B3GAT2: variants seen among roughly 807,000 people sequenced by gnomAD.
B3GAT2 encodes the protein beta-1,3-glucuronyltransferase 2, also known as galactosylgalactosylxylosylprotein 3-beta-glucuronosyltransferase 2.
Under a neutral mutation model 27.8 loss-of-function variants are expected in B3GAT2, and 26 were observed. The observed-to-expected ratio is 0.93, with a 90% CI of 0.68 to 1.30. The LOEUF (loss-of-function observed/expected upper bound fraction) is 1.30. B3GAT2 is among the 50% of genes most tolerant of loss of function. B3GAT2 has a pLI of 0.00. For missense variants in B3GAT2, 458 were observed against 459.0 expected, an observed-to-expected ratio of 1.00 and a Z score of 0.02; for synonymous variants, 218 against 195.1, an observed-to-expected ratio of 1.12 and a Z score of -0.98.
rs370556358 is a variant in B3GAT2, at chr6:70,882,306, A to C, written c.736+11822T>G. 5.8e-3 allele frequency among the ~76,000 whole-genome samples: 888 copies of C among 152,082 alleles called. 6 individuals are homozygous for C. The highest frequency in any genetic ancestry group is 0.02 in the Middle Eastern group (6 of 294). On this transcript the variant is annotated intron_variant, in intron 2 of 3. Coordinates refer to ENST00000230053, the MANE Select transcript of B3GAT2 (RefSeq NM_080742.3). ...CACGAGGTCAGGAGATCCAGACCAT[A>C]CTGGCTAACATGGTGAAACCCCGTC...
intron 1 of B3GAT2, among the ~76,000 whole-genome samples, chr6:70,951,219 T>C (rs1024720981): frequency 1.3e-5 from 2 of 152,172 alleles, no homozygotes; most frequent in East Asian, 3.8e-4. Context: ...ACAAAAAACC[T>C]ACCACTACTT....
chr6:70,944,527 C>T (rs930001182), intron 1 of B3GAT2, among the ~76,000 whole-genome samples: 2 of 152,162 alleles, frequency 1.3e-5, no homozygotes, highest in African/African-American at 2.4e-5. Context: ...GAGGGGTGCC[C>T]GCAATTGCCC....
intron 1 of B3GAT2, among the ~76,000 whole-genome samples, chr6:70,898,781 T>C (rs1275686279): frequency 1.3e-5 from 2 of 152,140 alleles, no homozygotes; most frequent in African/African-American, 4.8e-5. Context: ...AGTGTTTAAA[T>C]ACTAATTAGT....
intron 2 of B3GAT2, among the ~76,000 whole-genome samples, chr6:70,868,645 G>A (rs188626545): frequency 2.0e-5 from 3 of 152,298 alleles, no homozygotes; most frequent in Non-Finnish European, 4.4e-5. Flanking sequence ...CTGGGTAGTT[G>A]TCCTAGAGTA....
chr6:70,928,437 C>T (rs1268375676), intron 1 of B3GAT2, among the ~76,000 whole-genome samples: 2 of 151,424 alleles, frequency 1.3e-5, no homozygotes, highest in East Asian at 3.9e-4. Flanking sequence ...TGATAGACCA[C>T]TAGCAGACTA....
At chr6:70,928,345 T>A (rs764800797) in intron 1 of B3GAT2, among the ~76,000 whole-genome samples, 3 of 150,702 alleles carry the variant, frequency 2.0e-5, no homozygotes, top group African/African-American at 4.9e-5. Flanking sequence ...AGACCAGAAC[T>A]GAAGGCGACA....
chr6:70,908,383 T>C (rs1403751731), intron 1 of B3GAT2, among the ~76,000 whole-genome samples: 1 of 152,186 alleles, frequency 6.6e-6, no homozygotes, highest in Non-Finnish European at 1.5e-5. Flanking sequence ...GTTTAATTTT[T>C]CCACCCATTA....
chr6:70,936,747 C>G (rs992868489), intron 1 of B3GAT2, among the ~76,000 whole-genome samples: 3 of 151,926 alleles, frequency 2.0e-5, no homozygotes, highest in East Asian at 3.9e-4. Context: ...GGGATACATT[C>G]AAAGCAGTGT....
rs200678168 is a variant in B3GAT2 at position 70,956,279 on chromosome 6, G to A, written c.151C>T (p.Arg51Ter). 4 of 1,606,638 alleles carry A rather than the reference G, an allele frequency of 2.5e-6. No individual in the cohort carries two copies. Among genetic ancestry groups the A allele is most frequent in the Non-Finnish European group, 2.6e-6 (3 of 1,176,238 alleles). The change falls in exon 1 of 4, where the codon CGA becomes TGA. Residue 51 changes from arginine (R) to a stop codon, truncating the protein, a stop_gained. Transcript: ENST00000230053. LOFTEE classifies it high-confidence loss of function. ...SPYAVGRGGARLPLRRGGPAH... is the reference protein window; with the variant it reads ...SPYAVGRGGA ...GGGCCGCCCCTGCGGAGCGGGAGTC[G>A]GGCGCCCCCGCGGCCCACCGCGTAG...
chr6:70,940,210 A>G (rs1483043875), intron 1 of B3GAT2, among the ~76,000 whole-genome samples: 1 of 152,118 alleles, frequency 6.6e-6, no homozygotes, highest in Non-Finnish European at 1.5e-5. Context: ...CATTTTCCTC[A>G]TTCTGGACTA....
At chr6:70,937,948 A>G in intron 1 of B3GAT2, among the ~76,000 whole-genome samples, 1 of 151,624 alleles carries the variant, frequency 6.6e-6, no homozygotes, top group East Asian at 1.9e-4. Context: ...AATTAGGAAA[A>G]GAGGGAGTCA....
In B3GAT2 at chr6:70,861,122, GTA is replaced by G. The variant is rs1771705420; in HGVS notation, c.*539_*540del. 1 of 169,114 alleles carries G rather than the reference GTA, an allele frequency of 5.9e-6. No individual in the cohort carries two copies. The highest frequency in any genetic ancestry group is 2.4e-5 in the African/African-American group (1 of 42,220). 10.5% of individuals were successfully genotyped at this position (169,114 alleles called of 1,614,324 possible). The stretch of plus-strand genomic sequence containing the variant: ...TTGTGTTTACATTTTATGGTGCCTA[GTA>G]TTGACAAAATGTTATTTCCCTACAT... On this transcript the variant is annotated 3_prime_UTR_variant, in exon 4 of 4. Coordinates refer to ENST00000230053, the MANE Select transcript of B3GAT2 (RefSeq NM_080742.3).
At chr6:70,946,460 A>G (rs1342984065) in intron 1 of B3GAT2, among the ~76,000 whole-genome samples, 1 of 152,040 alleles carries the variant, frequency 6.6e-6, no homozygotes, top group East Asian at 1.9e-4. Flanking sequence ...ACTTTAAACC[A>G]ACAAAGATCA....
chr6:70,894,414 T>C, intron 1 of B3GAT2, 142 bp from the exon 2 acceptor site: 1 of 894,842 alleles, frequency 1.1e-6, no homozygotes, highest in Non-Finnish European at 1.6e-6. Context: ...ATCCTTCTGC[T>C]GCTAGAGTAT....
intron 2 of B3GAT2, among the ~76,000 whole-genome samples, chr6:70,872,354 A>G (rs1055914288): frequency 6.6e-6 from 1 of 151,730 alleles, no homozygotes; most frequent in African/African-American, 2.4e-5. Flanking sequence ...TACTTTGTGT[A>G]TTTTGGAGCT....
chr6:70,942,774 TA>T (rs1765414794), intron 1 of B3GAT2, among the ~76,000 whole-genome samples: 1 of 152,172 alleles, frequency 6.6e-6, no homozygotes, highest in African/African-American at 2.4e-5. Flanking sequence ...CTTGTTATAT[TA>T]AAACATCTTC....
At chr6:70,880,553 A>T (rs140169287) in intron 2 of B3GAT2, among the ~76,000 whole-genome samples, 10 of 152,212 alleles carry the variant, frequency 6.6e-5, no homozygotes, top group Admixed American at 2.6e-4. Context: ...GCTGGAGTGC[A>T]GTGGCATGAC....
intron 1 of B3GAT2, among the ~76,000 whole-genome samples, chr6:70,919,857 G>C (rs1054614087): frequency 4.6e-5 from 7 of 152,208 alleles, no homozygotes; most frequent in African/African-American, 1.7e-4. Context: ...CAGGGGTCAG[G>C]GACCCACTTG....
chr6:70,887,459 G>T (rs1263470606), intron 2 of B3GAT2, among the ~76,000 whole-genome samples: 2 of 152,126 alleles, frequency 1.3e-5, no homozygotes, highest in African/African-American at 2.4e-5. Context: ...TTAAAGGTTT[G>T]CCTGGTAAAC....
Sources: gnomAD v4.1 joint callset for allele counts (sites outside exome capture counted in the v4.1 genomes callset) on GRCh38, gnomAD v4.1.1 for gene constraint, MANE v1.5 for transcripts, NCBI Gene and HGNC (gene_info 2026-07-23, HGNC 2026-07-21) for gene names.